ESR1: variants seen among roughly 807,000 people sequenced by gnomAD.
ESR1 encodes the protein estrogen receptor.
Under a neutral mutation model 52.7 loss-of-function variants are expected in ESR1, and 12 were observed. The observed-to-expected ratio is 0.23, with a 90% CI of 0.15 to 0.37. The LOEUF (loss-of-function observed/expected upper bound fraction) is 0.37. ESR1 is among the 10% of genes least tolerant of loss of function. The probability of loss-of-function intolerance (pLI) is 1.00; values close to 1 mark genes in which losing one functional copy is unlikely to be tolerated. For synonymous variants in ESR1, 305 were observed against 316.8 expected, an observed-to-expected ratio of 0.96 and a Z score of 0.39; for missense variants, 584 against 779.7, an observed-to-expected ratio of 0.75 and a Z score of 2.99.
At chr6:151,996,422 G>C (rs1244730794) in intron 4 of ESR1, among the ~76,000 whole-genome samples, 3 of 152,030 alleles carry the variant, frequency 2.0e-5, no homozygotes, top group African/African-American at 7.2e-5. Context: ...CCTGGAATGA[G>C]GCTCCTCTTG....
At chr6:152,111,547 C>T (rs996141865) in intron 6 of ESR1, among the ~76,000 whole-genome samples, 23 of 152,186 alleles carry the variant, frequency 1.5e-4, no homozygotes, top group African/African-American at 5.3e-4. Context: ...GTTTGTGAGC[C>T]GGTTAACATT....
intron 4 of ESR1, among the ~76,000 whole-genome samples, chr6:151,967,082 C>T (rs1330719311): frequency 6.6e-6 from 1 of 152,182 alleles, no homozygotes; most frequent in African/African-American, 2.4e-5. Flanking sequence ...CCACCATTCT[C>T]CTTTTTCATT....
chr6:151,762,968 A>C (rs1408038994), intron 2 of ESR1, among the ~76,000 whole-genome samples: 1 of 151,868 alleles, frequency 6.6e-6, no homozygotes, highest in South Asian at 2.1e-4. Flanking sequence ...AAAAATTAAT[A>C]GTTTAAATAT....
chr6:151,721,071 T>C (rs1428895377), intron 2 of ESR1, among the ~76,000 whole-genome samples: 1 of 152,210 alleles, frequency 6.6e-6, no homozygotes, highest in African/African-American at 2.4e-5. Flanking sequence ...AGTCTTACAT[T>C]TGCCACATCA....
intron 4 of ESR1, among the ~76,000 whole-genome samples, chr6:151,963,056 C>A (rs903861564): frequency 2.6e-5 from 4 of 152,092 alleles, no homozygotes; most frequent in African/African-American, 7.2e-5. Context: ...CAAATTATCT[C>A]TTCTCTCTAG....
chr6:151,735,825 G>A (rs1782607367), intron 2 of ESR1, among the ~76,000 whole-genome samples: 2 of 152,138 alleles, frequency 1.3e-5, no homozygotes, highest in South Asian at 2.1e-4. Context: ...CGTCAAGGGA[G>A]GTACCTGGTG....
At chr6:152,104,662 T>G (rs1019001699), downstream of ESR1, among the ~76,000 whole-genome samples, 2 of 152,238 alleles carry the variant, frequency 1.3e-5, no homozygotes, top group Non-Finnish European at 2.9e-5. Flanking sequence ...CTAAAACTCT[T>G]GTAGACAGGG....
chr6:151,957,192 T>TA (rs1438620186), intron 4 of ESR1, among the ~76,000 whole-genome samples: 3 of 152,094 alleles, frequency 2.0e-5, no homozygotes, highest in Admixed American at 2.0e-4. Context: ...GTCTGTATAT[T>TA]ACAGCCGTTG....
chr6:152,059,739 A>G (rs1017887130), intron 5 of ESR1, among the ~76,000 whole-genome samples: 1 of 152,150 alleles, frequency 6.6e-6, no homozygotes, highest in Admixed American at 6.5e-5. Context: ...CTATCTGTAC[A>G]CATATCCAAA....
chr6:151,952,992 A>C (rs1271690844), intron 4 of ESR1, among the ~76,000 whole-genome samples: 1 of 152,222 alleles, frequency 6.6e-6, no homozygotes, highest in Non-Finnish European at 1.5e-5. Context: ...TAACAAAACA[A>C]GTGTTCTCCT....
rs574462164 is a variant in ESR1 at position 152,100,794 on chromosome 6, A to G, written c.*1828A>G. 4.5e-6 allele frequency: 1 copy of G among 222,210 alleles called. No individual in the cohort carries two copies. Among genetic ancestry groups the G allele is most frequent in the Non-Finnish European group, 8.9e-6 (1 of 111,850 alleles). 13.8% of individuals were successfully genotyped at this position (222,210 alleles called of 1,614,324 possible). On this transcript the variant is annotated 3_prime_UTR_variant, in exon 8 of 8. Transcript: ENST00000206249. ...GGGCAAAAAAAAAAAAAAAGTTTTTATGTGCACTTAAATTTGGGGACAATT... is the reference window on the plus strand; with the variant it reads ...GGGCAAAAAAAAAAAAAAAGTTTTTGTGTGCACTTAAATTTGGGGACAATT...
chr6:151,710,218 G>A (rs1163278947), intron 2 of ESR1, among the ~76,000 whole-genome samples: 1 of 150,406 alleles, frequency 6.6e-6, no homozygotes, highest in African/African-American at 2.4e-5. Flanking sequence ...CATTTGGCAA[G>A]TTTGATGCTC....
chr6:151,907,890 T>G, intron 3 of ESR1, among the ~76,000 whole-genome samples: 1 of 152,156 alleles, frequency 6.6e-6, no homozygotes, highest in East Asian at 1.9e-4. Flanking sequence ...TATATAGAAA[T>G]GTGTTTATTG....
At chr6:152,029,084 A>C (rs2044431363) in intron 5 of ESR1, among the ~76,000 whole-genome samples, 1 of 152,226 alleles carries the variant, frequency 6.6e-6, no homozygotes, top group Non-Finnish European at 1.5e-5. Context: ...GAGGGTCCTG[A>C]CTGTTAGAAG....
chr6:151,866,949 A>G (rs376101469), intron 2 of ESR1, among the ~76,000 whole-genome samples: 2 of 152,332 alleles, frequency 1.3e-5, no homozygotes, highest in South Asian at 4.1e-4. Flanking sequence ...CAGAGGCCTC[A>G]GAAATAATGC....
intron 2 of ESR1, among the ~76,000 whole-genome samples, chr6:151,862,472 T>A (rs1369201261): frequency 1.3e-5 from 2 of 152,208 alleles, no homozygotes; most frequent in Non-Finnish European, 2.9e-5. Flanking sequence ...AGGATGCTCC[T>A]GTGTGTCTCC....
At chr6:151,842,536 C>T (rs1177391104) in intron 1 of ESR1, 61 bp from the exon 2 acceptor site, 3 of 1,409,070 alleles carry the variant, frequency 2.1e-6, no homozygotes, top group East Asian at 4.8e-5. Flanking sequence ...TGCTGCATCT[C>T]CCAGAGAGTG....
intron 6 of ESR1, among the ~76,000 whole-genome samples, chr6:152,113,537 G>A (rs2051172383): frequency 6.6e-6 from 1 of 152,042 alleles, no homozygotes; most frequent in South Asian, 2.1e-4. Flanking sequence ...GAACTGAGCT[G>A]TACACTGACA....
chr6:151,723,944 A>G (rs894754422), intron 2 of ESR1, among the ~76,000 whole-genome samples: 5 of 152,112 alleles, frequency 3.3e-5, no homozygotes, highest in African/African-American at 7.2e-5. Flanking sequence ...TAAAATGACA[A>G]TAAAGGAATG....
Sources: gnomAD v4.1 joint callset for allele counts (sites outside exome capture counted in the v4.1 genomes callset) on GRCh38, gnomAD v4.1.1 for gene constraint, MANE v1.5 for transcripts, NCBI Gene and HGNC (gene_info 2026-07-23, HGNC 2026-07-21) for gene names.